The following WDPCP variants were observed in gnomAD, a reference collection of about 807,000 sequenced individuals.
The protein encoded by WDPCP is WD repeat containing planar cell polarity effector.
In WDPCP, 71 loss-of-function variants were observed where a neutral mutation model predicts 93.1. The observed-to-expected ratio is 0.76, with a 90% CI of 0.63 to 0.93. The LOEUF (loss-of-function observed/expected upper bound fraction) is 0.93, where lower values mean the gene tolerates loss of function less well. WDPCP is among the 40% of genes least tolerant of loss of function. WDPCP has a pLI of 0.00. For missense variants in WDPCP, 844 were observed against 887.4 expected, an observed-to-expected ratio of 0.95 and a Z score of 0.62; for synonymous variants, 315 against 315.0, an observed-to-expected ratio of 1.00 and a Z score of 0.00.
At chr2:63,707,374 A>AT (rs1307460708) in intron 2 of WDPCP, among the ~76,000 whole-genome samples, 1 of 151,852 alleles carries the variant, frequency 6.6e-6, no homozygotes, top group East Asian at 1.9e-4. Context: ...CATTTCATTC[A>AT]TTTTATCTTC....
chr2:63,244,116 C>G (rs1680081245), intron 14 of WDPCP, among the ~76,000 whole-genome samples: 2 of 152,074 alleles, frequency 1.3e-5, no homozygotes, highest in Non-Finnish European at 2.9e-5. Context: ...AATTAAACAA[C>G]TTACTCTTGA....
At chr2:63,407,290 T>C (rs1227981515) in intron 9 of WDPCP, among the ~76,000 whole-genome samples, 1 of 151,986 alleles carries the variant, frequency 6.6e-6, no homozygotes, top group African/African-American at 2.4e-5. Context: ...GAGACTAATA[T>C]AGCTAGAGAA....
chr2:63,264,303 G>A (rs2699393), intron 13 of WDPCP, among the ~76,000 whole-genome samples: 95,934 of 152,140 alleles, frequency 0.63, 32,094 homozygotes, highest in East Asian at 0.86. Flanking sequence ...AAATAGAAAC[G>A]GAAAGATTGG....
chr2:63,253,583 A>G (rs1680909984), intron 14 of WDPCP, among the ~76,000 whole-genome samples: 1 of 152,238 alleles, frequency 6.6e-6, no homozygotes, highest in African/African-American at 2.4e-5. Context: ...CATGAAAATG[A>G]CATGAACAAT....
At chr2:63,501,179 CA>C (rs1339210799) in intron 1 of WDPCP, among the ~76,000 whole-genome samples, 1 of 151,970 alleles carries the variant, frequency 6.6e-6, no homozygotes, top group Non-Finnish European at 1.5e-5. Flanking sequence ...TAAATAGAAG[CA>C]AAATGCAAAA....
At chr2:63,313,886 A>ATGTGTGTGTGTATATATATATATTTT in intron 12 of WDPCP, among the ~76,000 whole-genome samples, 3 of 74,502 alleles carry the variant, frequency 4.0e-5, no homozygotes, top group East Asian at 3.9e-4. Flanking sequence ...ATATATATAT[A>ATGTGTGTGTGTATATATATATATTTT]TTTTTTTTTT....
intron 14 of WDPCP, among the ~76,000 whole-genome samples, chr2:63,222,927 A>T (rs922477313): frequency 2.6e-5 from 4 of 152,140 alleles, no homozygotes; most frequent in African/African-American, 9.7e-5. Context: ...CTTCTTTGAA[A>T]TATGTTTTAA....
At position 63,121,696 on chromosome 2, in the gene WDPCP, G is replaced by T; in HGVS notation, c.*310C>A. On this transcript the variant is annotated 3_prime_UTR_variant, in exon 18 of 18. Transcript: ENST00000272321. ...TACTGCCCCTTTTTTAAAGTACCTG[G>T]GAGAACAAAGTTTAAATATTCTATT... 2.2e-6 allele frequency: 1 copy of T among 457,612 alleles called. No individual in the cohort carries two copies. The highest frequency in any genetic ancestry group is 3.4e-6 in the Non-Finnish European group (1 of 296,966). 28.3% of individuals were successfully genotyped at this position (457,612 alleles called of 1,614,324 possible).
At chr2:63,622,031 C>G (rs572811002) in intron 3 of WDPCP, 1 of 726,452 alleles carries the variant, frequency 1.4e-6, no homozygotes, top group Non-Finnish European at 2.1e-6. Flanking sequence ...TCCCCCCTCC[C>G]CACTCCCCTC....
At chr2:63,561,261 G>A (rs899602411) in intron 1 of WDPCP, among the ~76,000 whole-genome samples, 1 of 152,150 alleles carries the variant, frequency 6.6e-6, no homozygotes, top group Non-Finnish European at 1.5e-5. Context: ...GGCGGATCAT[G>A]AGGTCAGGAG....
chr2:63,627,510 G>T (rs1034191671), intron 3 of WDPCP, among the ~76,000 whole-genome samples: 1 of 152,092 alleles, frequency 6.6e-6, no homozygotes, highest in South Asian at 2.1e-4. Context: ...CCACTCCAAC[G>T]TTGCCTTTTC....
chr2:63,836,305 G>A, the WDPCP span, among the ~76,000 whole-genome samples: 1 of 152,194 alleles, frequency 6.6e-6, no homozygotes, highest in South Asian at 2.1e-4. Flanking sequence ...ACCAGAGGCA[G>A]AGATGTTTAG....
chr2:63,549,871 G>A (rs1705448982), intron 1 of WDPCP, among the ~76,000 whole-genome samples: 1 of 152,148 alleles, frequency 6.6e-6, no homozygotes, highest in Non-Finnish European at 1.5e-5. Flanking sequence ...TCAAGGTTCT[G>A]ATCTTGTTGC....
chr2:63,347,537 T>C (rs1230402674), intron 12 of WDPCP, among the ~76,000 whole-genome samples: 5 of 152,144 alleles, frequency 3.3e-5, no homozygotes, highest in African/African-American at 7.2e-5. Flanking sequence ...CTACTGTCAT[T>C]GGAAAAGAAT....
chr2:63,330,113 G>A (rs1461504812), intron 12 of WDPCP, among the ~76,000 whole-genome samples: 1 of 152,076 alleles, frequency 6.6e-6, no homozygotes, highest in Non-Finnish European at 1.5e-5. Flanking sequence ...CTAGAAGTAG[G>A]ATTTCTGGAC....
At chr2:63,226,370 GA>G (rs931183867) in intron 14 of WDPCP, among the ~76,000 whole-genome samples, 1 of 150,512 alleles carries the variant, frequency 6.6e-6, no homozygotes, top group Non-Finnish European at 1.5e-5. Context: ...TCTTTGATAG[GA>G]AAAAAAAGAC....
At chr2:63,537,232 T>C (rs1013368087) in intron 1 of WDPCP, among the ~76,000 whole-genome samples, 1 of 152,206 alleles carries the variant, frequency 6.6e-6, no homozygotes, top group Admixed American at 6.5e-5. Flanking sequence ...ATCAACTCTC[T>C]TGCTGTTACT....
chr2:63,180,548 G>A (rs1674164823), intron 14 of WDPCP, among the ~76,000 whole-genome samples: 1 of 152,088 alleles, frequency 6.6e-6, no homozygotes, highest in African/African-American at 2.4e-5. Context: ...GTATTCCATT[G>A]CACATATATA....
intron 1 of WDPCP, among the ~76,000 whole-genome samples, chr2:63,508,850 T>C (rs1440621285): frequency 6.6e-6 from 1 of 152,158 alleles, no homozygotes; most frequent in Non-Finnish European, 1.5e-5. Flanking sequence ...CATTACATAA[T>C]GGTAAAGGGT....
Sources: allele counts gnomAD v4.1 joint callset (sites outside exome capture counted in the v4.1 genomes callset), GRCh38; gene constraint gnomAD v4.1.1; transcripts MANE v1.5; gene names NCBI Gene and HGNC (gene_info 2026-07-23, HGNC 2026-07-21).